ABCA9: variants seen among roughly 807,000 people sequenced by gnomAD.
ABCA9 encodes ATP-binding cassette sub-family A member 9.
A neutral mutation model predicts 205.3 loss-of-function variants in ABCA9; 183 were observed. The ratio of observed to expected loss-of-function variants is 0.89; its 90% CI spans 0.79 to 1.01. ABCA9 has a LOEUF of 1.01. ABCA9 is among the 50% of genes least tolerant of loss of function. The probability of loss-of-function intolerance (pLI) is 0.00; values close to 1 mark genes in which losing one functional copy is unlikely to be tolerated. For synonymous variants in ABCA9, 651 were observed against 683.3 expected (o/e 0.95, Z 0.74); for missense variants, 1,805 against 1,912.4 (o/e 0.94, Z 1.05).
rs143478837 is a variant in ABCA9 at position 68,985,826 on chromosome 17, G to A, written c.4208+338C>T. 8.2e-3 allele frequency among the ~76,000 whole-genome samples: 1,236 copies of A among 151,578 alleles called. 16 individuals are homozygous for A. The highest frequency in any genetic ancestry group is 0.029 in the African/African-American group (1,177 of 41,296). On this transcript the variant is annotated intron_variant, in intron 32 of 38. Coordinates refer to ENST00000340001, the MANE Select transcript of ABCA9 (RefSeq NM_080283.4). ...CAAAAAGTTAGCCCGGCATGATGGC[G>A]GGTGCCTGTAATCCCAGCTACTAGG...
intron 10 of ABCA9, among the ~76,000 whole-genome samples, chr17:69,030,533 G>A (rs1267033331): frequency 1.3e-5 from 2 of 152,126 alleles, no homozygotes; most frequent in Admixed American, 1.3e-4. Context: ...TCAATTTATC[G>A]AAGAGGTACA....
intron 10 of ABCA9, among the ~76,000 whole-genome samples, 175 bp from the exon 11 acceptor site, chr17:69,029,402 C>T (rs1236533357): frequency 6.6e-6 from 1 of 152,052 alleles, no homozygotes; most frequent in Non-Finnish European, 1.5e-5. Flanking sequence ...CAGAAGCACC[C>T]AGGGCAACTA....
At chr17:69,030,883 G>T (rs953487697) in intron 10 of ABCA9, among the ~76,000 whole-genome samples, 8 of 152,062 alleles carry the variant, frequency 5.3e-5, no homozygotes, top group African/African-American at 1.9e-4. Flanking sequence ...TCACTTTTCT[G>T]CCTTCTATAC....
intron 25 of ABCA9, among the ~76,000 whole-genome samples, chr17:68,997,196 G>T (rs995566269): frequency 6.6e-6 from 1 of 152,246 alleles, no homozygotes; most frequent in Non-Finnish European, 1.5e-5. Context: ...CTCCCAAAGT[G>T]CTAGGATTAC....
At chr17:69,047,489 C>G (rs1463130352) in intron 3 of ABCA9, among the ~76,000 whole-genome samples, 2 of 151,796 alleles carry the variant, frequency 1.3e-5, no homozygotes, top group Admixed American at 6.6e-5. Context: ...TGACTCACTC[C>G]AAAGTGCAGC....
At chr17:69,062,910 T>C (rs2072292452), upstream of ABCA9, among the ~76,000 whole-genome samples, 1 of 113,226 alleles carries the variant, frequency 8.8e-6, no homozygotes. Context: ...TATACCATAA[T>C]GTACACTTTT....
chr17:68,989,064 T>G lies in ABCA9; in HGVS notation c.4010A>C (p.Lys1337Thr). Reference protein sequence around the residue: ...HNGAGKSTTIKMITGDTKPTA... With the variant: ...HNGAGKSTTITMITGDTKPTA... Reference sequence around the variant, plus strand: ...TGGTTTTGTGTCTCCAGTTATCATCTTAATAGTTGTACTTTTACCAGCTCC... The same window carrying G: ...TGGTTTTGTGTCTCCAGTTATCATCGTAATAGTTGTACTTTTACCAGCTCC... Residue 1337 changes from lysine (K) to threonine (T), a missense_variant, in exon 31 of 39, where the codon AAG (lysine) becomes ACG (threonine). Lys to Thr is a moderately conservative substitution (Grantham distance 78). Transcript: ENST00000340001. 6.2e-7 allele frequency: 1 copy of G among 1,613,600 alleles called. No individual in the cohort carries two copies. The highest frequency in any genetic ancestry group is 8.5e-7 in the Non-Finnish European group (1 of 1,179,598).
the ABCA9 span, among the ~76,000 whole-genome samples, chr17:69,068,142 C>T: frequency 5.3e-5 from 8 of 152,154 alleles, no homozygotes; most frequent in African/African-American, 1.9e-4. Context: ...AGGTGTTCAG[C>T]CTTTTTATAA....
At chr17:69,063,765 G>C (rs566131934), upstream of ABCA9, among the ~76,000 whole-genome samples, 8 of 152,236 alleles carry the variant, frequency 5.3e-5, no homozygotes, top group East Asian at 1.5e-3. Context: ...GTAGAGACAG[G>C]GTTTCACCAT....
chr17:69,026,873 G>A, intron 15 of ABCA9, 103 bp downstream of exon 15: 2 of 1,397,690 alleles, frequency 1.4e-6, no homozygotes, highest in South Asian at 2.8e-5. Flanking sequence ...TCCTGTCTTG[G>A]GCCATGGCAG....
rs189147388 is a variant in ABCA9 at position 69,021,804 on chromosome 17, G to A, written c.2339C>T (p.Ser780Phe). ...AAACACCTCATTCAAAGTTGTTATG[G>A]AAACACCATAATCCTCAATGCCTTG... ...SNQGIEDYGV[S>F]ITTLNEVFLK... The change falls in exon 18 of 39, where the codon TCC becomes TTC. Residue 780 changes from serine (S) to phenylalanine (F), a missense_variant. Coordinates refer to ENST00000340001, the MANE Select transcript of ABCA9 (RefSeq NM_080283.4). The A allele has an allele frequency of 6.3e-7, 1 of 1,595,464 alleles. No individual in the cohort carries two copies. The highest frequency in any genetic ancestry group is 1.3e-5 in the African/African-American group (1 of 74,332).
At chr17:69,038,327 T>C (rs1435844011) in intron 6 of ABCA9, among the ~76,000 whole-genome samples, 5 of 152,152 alleles carry the variant, frequency 3.3e-5, no homozygotes, top group African/African-American at 1.2e-4. Flanking sequence ...AATAAAATAC[T>C]GGCAAACGGA....
intron 25 of ABCA9, among the ~76,000 whole-genome samples, chr17:69,005,671 G>A (rs1395391830): frequency 1.3e-5 from 2 of 152,160 alleles, no homozygotes; most frequent in South Asian, 2.1e-4. Context: ...CCTGCTCTAC[G>A]AACAAAGAGG....
intron 25 of ABCA9, among the ~76,000 whole-genome samples, chr17:69,007,112 T>G (rs2070167438): frequency 6.6e-6 from 1 of 152,182 alleles, no homozygotes; most frequent in Non-Finnish European, 1.5e-5. Flanking sequence ...TGCAATAATG[T>G]AATCTATTCA....
chr17:69,062,668 G>A (rs912614428), upstream of ABCA9, among the ~76,000 whole-genome samples: 8 of 152,002 alleles, frequency 5.3e-5, no homozygotes, highest in Non-Finnish European at 7.4e-5. Context: ...CTGCCACCAC[G>A]GCCAGCTAAT....
In ABCA9 at chr17:69,054,727, G is replaced by A. The variant is rs1383319932; in HGVS notation, c.-13-3588C>T. 2.0e-5 allele frequency among the ~76,000 whole-genome samples: 3 copies of A among 151,734 alleles called. No individual in the cohort carries two copies. In the East Asian group the frequency reaches 5.8e-4, roughly 29 times the overall value. Reference sequence around the variant, plus strand: ...ATATAATGCCATATATACAATATATGTATTACATTCATATATAATGTTCCT... The same window carrying A: ...ATATAATGCCATATATACAATATATATATTACATTCATATATAATGTTCCT... On this transcript the variant is annotated intron_variant, in intron 1 of 38. Transcript: ENST00000340001.
chr17:69,017,411 C>T (rs927365832), intron 21 of ABCA9, among the ~76,000 whole-genome samples: 4 of 152,024 alleles, frequency 2.6e-5, no homozygotes, highest in South Asian at 2.1e-4. Flanking sequence ...TTGATAATAA[C>T]GATCTAAATA....
chr17:69,068,259 A>G, the ABCA9 span, among the ~76,000 whole-genome samples: 1 of 152,198 alleles, frequency 6.6e-6, no homozygotes, highest in African/African-American at 2.4e-5. Context: ...ATTTTATGCA[A>G]GTTTTCTAGT....
At position 69,027,796 on chromosome 17, in the gene ABCA9, A is replaced by G; in HGVS notation, c.1635T>C (p.Asn545=). 2.5e-6 allele frequency: 4 copies of G among 1,609,378 alleles called. No individual in the cohort carries two copies. The highest frequency in any genetic ancestry group is 3.4e-6 in the Non-Finnish European group (4 of 1,178,050). The part of the protein sequence containing the change: ...VPTSGSVTVY[N]HTLSRMADIE... Reference sequence around the variant, plus strand: ...TATCAGCCATTCTTGAAAGTGTGTGATTATAGACAGTGACTGAACCTGAAA... The same window carrying G: ...TATCAGCCATTCTTGAAAGTGTGTGGTTATAGACAGTGACTGAACCTGAAA... The change falls in exon 13 of 39, where the codon AAT becomes AAC. Residue 545 remains asparagine, a synonymous_variant. Transcript: ENST00000340001.
Sources: gnomAD v4.1 joint callset for allele counts (sites outside exome capture counted in the v4.1 genomes callset) on GRCh38, gnomAD v4.1.1 for gene constraint, MANE v1.5 for transcripts, NCBI Gene and HGNC (gene_info 2026-07-23, HGNC 2026-07-21) for gene names.